NRG3: variants seen among roughly 807,000 people sequenced by gnomAD.
NRG3 encodes neuregulin 3.
A neutral mutation model predicts 66.9 loss-of-function variants in NRG3; 31 were observed. The observed-to-expected ratio is 0.46, with a 90% confidence interval of 0.35 to 0.63. The LOEUF (loss-of-function observed/expected upper bound fraction) is 0.63, where lower values mean the gene tolerates loss of function less well. Ranked by LOEUF, NRG3 falls within the 20% of genes least tolerant of loss-of-function variation. The pLI, the probability that NRG3 is intolerant of heterozygous loss-of-function variation, is 0.00. For missense variants in NRG3, 910 were observed against 878.9 expected (o/e 1.04, Z -0.45); for synonymous variants, 393 against 359.4 (o/e 1.09, Z -1.06).
intron 2 of NRG3, among the ~76,000 whole-genome samples, chr10:82,500,022 G>A (rs1005669048): frequency 6.6e-6 from 1 of 152,142 alleles, no homozygotes; most frequent in Non-Finnish European, 1.5e-5. Context: ...ATGAATAAGG[G>A]CTAAAGTGTC....
intron 2 of NRG3, among the ~76,000 whole-genome samples, chr10:82,451,567 C>T (rs1009406875): frequency 6.6e-6 from 1 of 152,086 alleles, no homozygotes; most frequent in Non-Finnish European, 1.5e-5. Context: ...AAGCAGCCAA[C>T]CTTACATTCA....
intron 2 of NRG3, among the ~76,000 whole-genome samples, chr10:82,601,889 AAT>A (rs1014993000): frequency 4.8e-5 from 7 of 146,240 alleles, no homozygotes; most frequent in Middle Eastern, 3.3e-3. Context: ...TATATATACA[AAT>A]ATATATATAT....
intron 1 of NRG3, among the ~76,000 whole-genome samples, chr10:81,986,723 GCT>G (rs1197731648): frequency 3.3e-5 from 5 of 151,952 alleles, no homozygotes; most frequent in Non-Finnish European, 7.4e-5. Flanking sequence ...AGGCAGTCTT[GCT>G]CTGTCACCCA....
chr10:82,197,515 A>G (rs541459022), intron 1 of NRG3, among the ~76,000 whole-genome samples: 1 of 152,276 alleles, frequency 6.6e-6, no homozygotes, highest in South Asian at 2.1e-4. Flanking sequence ...AAAGAGTGCA[A>G]TGTGTTTGTA....
chr10:82,755,077 A>G (rs914394808), intron 3 of NRG3, among the ~76,000 whole-genome samples: 2 of 152,162 alleles, frequency 1.3e-5, no homozygotes, highest in Non-Finnish European at 2.9e-5. Flanking sequence ...ATAGTGGTCA[A>G]GAGTGGGGAG....
chr10:82,354,875 C>A (rs2083677683), intron 1 of NRG3, among the ~76,000 whole-genome samples: 1 of 152,002 alleles, frequency 6.6e-6, no homozygotes, highest in Non-Finnish European at 1.5e-5. Context: ...ATAGCAGGGC[C>A]CACTCTGAAA....
At chr10:82,309,712 G>T (rs1026438999) in intron 1 of NRG3, among the ~76,000 whole-genome samples, 1 of 152,164 alleles carries the variant, frequency 6.6e-6, no homozygotes, top group African/African-American at 2.4e-5. Flanking sequence ...CTGAAACAAA[G>T]AGGTGAGTAG....
intron 3 of NRG3, among the ~76,000 whole-genome samples, chr10:82,759,592 A>C (rs2059221960): frequency 1.3e-5 from 2 of 152,128 alleles, no homozygotes; most frequent in African/African-American, 4.8e-5. Context: ...CATCACTGAG[A>C]TCCTGCACAT....
intron 4 of NRG3, among the ~76,000 whole-genome samples, chr10:82,918,680 C>T (rs895571816): frequency 1.3e-5 from 2 of 152,080 alleles, no homozygotes; most frequent in Non-Finnish European, 2.9e-5. Flanking sequence ...CCTGAAGCCT[C>T]CCCTCCCACT....
chr10:82,814,592 C>T (rs2061627514), intron 3 of NRG3, among the ~76,000 whole-genome samples: 1 of 152,292 alleles, frequency 6.6e-6, no homozygotes, highest in South Asian at 2.1e-4. Context: ...GAAAGGCCGA[C>T]AGCTACTTCT....
intron 3 of NRG3, among the ~76,000 whole-genome samples, chr10:82,862,417 T>G (rs2064178036): frequency 6.6e-6 from 1 of 152,194 alleles, no homozygotes; most frequent in East Asian, 1.9e-4. Flanking sequence ...CATTTTAATA[T>G]CAAAAAACAC....
At chr10:82,278,366 G>A (rs145034854) in intron 1 of NRG3, among the ~76,000 whole-genome samples, 2 of 152,180 alleles carry the variant, frequency 1.3e-5, no homozygotes, top group East Asian at 3.9e-4. Flanking sequence ...TTAGTGAGTG[G>A]TGCTGAATGG....
chr10:82,722,089 G>A (rs1043320104), intron 2 of NRG3, among the ~76,000 whole-genome samples: 3 of 152,188 alleles, frequency 2.0e-5, no homozygotes, highest in African/African-American at 7.2e-5. Context: ...TGGAATTTAG[G>A]AATAAGTCTT....
At chr10:82,076,558 A>T (rs1365147532) in intron 1 of NRG3, among the ~76,000 whole-genome samples, 2 of 152,162 alleles carry the variant, frequency 1.3e-5, no homozygotes, top group African/African-American at 2.4e-5. Context: ...AGGTGTTTGT[A>T]TCAGGGGGGT....
At chr10:82,018,151 A>G (rs1237720003) in intron 1 of NRG3, among the ~76,000 whole-genome samples, 1 of 152,150 alleles carries the variant, frequency 6.6e-6, no homozygotes, top group Non-Finnish European at 1.5e-5. Flanking sequence ...CTTTCTACCT[A>G]TGGCTAGCCA....
At chr10:82,022,413 G>C (rs17099104) in intron 1 of NRG3, among the ~76,000 whole-genome samples, 21,485 of 151,966 alleles carry the variant, frequency 0.14, 1,874 homozygotes, top group East Asian at 0.28. Context: ...GTACCTCCCG[G>C]TTGTGATATC....
intron 1 of NRG3, among the ~76,000 whole-genome samples, chr10:81,975,057 T>G (rs984017366): frequency 6.6e-6 from 1 of 151,326 alleles, no homozygotes; most frequent in Non-Finnish European, 1.5e-5. Flanking sequence ...CACGGTCTTG[T>G]GGACATATAG....
intron 2 of NRG3, among the ~76,000 whole-genome samples, chr10:82,527,267 A>C (rs1259503155): frequency 1.3e-5 from 2 of 152,122 alleles, no homozygotes; most frequent in East Asian, 1.9e-4. Flanking sequence ...TAAATCAAGA[A>C]ACATTCCAAA....
At chr10:82,302,346 C>A (rs1429720159) in intron 1 of NRG3, among the ~76,000 whole-genome samples, 5 of 152,136 alleles carry the variant, frequency 3.3e-5, no homozygotes, top group African/African-American at 4.8e-5. Flanking sequence ...TTCCTAGCCA[C>A]AATTTATCAG....
Sources: allele counts gnomAD v4.1 joint callset (sites outside exome capture counted in the v4.1 genomes callset), GRCh38; gene constraint gnomAD v4.1.1; transcripts MANE v1.5; gene names NCBI Gene and HGNC (gene_info 2026-07-23, HGNC 2026-07-21).